Variants in OLR1 observed in about 807,000 individuals in gnomAD.
OLR1 encodes oxidized low density lipoprotein receptor 1.
In OLR1, 23 loss-of-function variants were observed where a neutral mutation model predicts 31.7. That is an observed-to-expected ratio of 0.72 (90% CI 0.52 to 1.03). OLR1 has a LOEUF of 1.03. OLR1 is among the 50% of genes least tolerant of loss of function. The probability of loss-of-function intolerance (pLI) is 0.00; values close to 1 mark genes in which losing one functional copy is unlikely to be tolerated. For synonymous variants in OLR1, 117 were observed against 115.8 expected (o/e 1.01, Z -0.07); for missense variants, 286 against 315.7 (o/e 0.91, Z 0.71).
chr12:10,175,185 T>G (rs1356474817), upstream of OLR1: 5 of 152,336 alleles, frequency 3.3e-5, no homozygotes, highest in African/African-American at 7.2e-5. Context: ...GGTGCTGGAA[T>G]GTATGTGATC....
At chr12:10,164,709 T>C (rs1453241163) in intron 3 of OLR1, among the ~76,000 whole-genome samples, 1 of 152,186 alleles carries the variant, frequency 6.6e-6, no homozygotes, top group Non-Finnish European at 1.5e-5. Flanking sequence ...TCCCTATGCC[T>C]AAAACCATAT....
rs1209502495 is a variant in OLR1 at position 10,160,940 on chromosome 12, A to G, written c.425-15T>C. 6.2e-7 allele frequency: 1 copy of G among 1,610,714 alleles called. No individual in the cohort carries two copies. Among genetic ancestry groups the G allele is most frequent in the Non-Finnish European group, 8.5e-7 (1 of 1,177,176 alleles). ...CGGACAAGGAGCTGGGAAGGATAGT[A>G]TATCTCATCAGTCAGTTATGTTTGT... On this transcript the variant is annotated splice_polypyrimidine_tract_variant and intron_variant, in intron 3 of 5. Coordinates refer to ENST00000309539, the MANE Select transcript of OLR1 (RefSeq NM_002543.4).
At chr12:10,171,924 T>TTCA in intron 1 of OLR1, 78 bp downstream of exon 1, 1 of 1,079,312 alleles carries the variant, frequency 9.3e-7, no homozygotes, top group Non-Finnish European at 1.4e-6. Context: ...AGCTTTCTAA[T>TTCA]CCCATTCTTC....
At chr12:10,172,788 T>C (rs956481655), upstream of OLR1, among the ~76,000 whole-genome samples, 5 of 152,228 alleles carry the variant, frequency 3.3e-5, no homozygotes, top group Non-Finnish European at 7.3e-5. Context: ...TCTATGTCTT[T>C]GTCTGGAAAT....
intron 1 of OLR1, chr12:10,170,639 G>A (rs117397291): frequency 0.03 from 4,502 of 151,964 alleles, 119 homozygotes; most frequent in Middle Eastern, 0.11. Flanking sequence ...TTGCAGCCGC[G>A]CACCACCACA....
intron 1 of OLR1, 54 bp downstream of exon 1, chr12:10,171,948 T>G (rs1948724086): frequency 7.4e-7 from 1 of 1,342,840 alleles, no homozygotes; most frequent in African/African-American, 1.4e-5. Flanking sequence ...GAATTTACAT[T>G]TTGGGGCTAA....
At chr12:10,160,066 T>A in intron 5 of OLR1, 45 bp from the exon 6 acceptor site, 1 of 1,562,808 alleles carries the variant, frequency 6.4e-7, no homozygotes, top group Non-Finnish European at 8.7e-7. Flanking sequence ...AAAACTTAGG[T>A]TTACTGCCAC....
Position 10,158,833 on chromosome 12 carries a change from C to A in OLR1, c.*1047G>T, listed in dbSNP as rs1313321210. The A allele has an allele frequency of 6.6e-6, 1 of 150,706 alleles. No individual in the cohort carries two copies. The highest frequency in any genetic ancestry group is 1.9e-4 in the East Asian group (1 of 5,170). 9.3% of individuals were successfully genotyped at this position (150,706 alleles called of 1,614,324 possible). On this transcript the variant is annotated 3_prime_UTR_variant, in exon 6 of 6. Coordinates refer to ENST00000309539, the MANE Select transcript of OLR1 (RefSeq NM_002543.4). ...AAGATTCCTGCTAGATTGTGTGCAG[C>A]AAAATAAAAAGGCTTCCTTTAAAGT...
intron 3 of OLR1, among the ~76,000 whole-genome samples, chr12:10,162,532 A>G (rs1948628710): frequency 6.6e-6 from 1 of 152,218 alleles, no homozygotes; most frequent in South Asian, 2.1e-4. Context: ...AAATATAAAT[A>G]TATGTACGTT....
intron 3 of OLR1, among the ~76,000 whole-genome samples, chr12:10,166,074 G>C (rs1010996656): frequency 2.0e-5 from 3 of 151,894 alleles, no homozygotes; most frequent in African/African-American, 7.3e-5. Context: ...AGTTGGGCAT[G>C]GTGGCTCATG....
chr12:10,173,287 T>C (rs2137532099), upstream of OLR1, among the ~76,000 whole-genome samples: 1 of 151,084 alleles, frequency 6.6e-6, no homozygotes, highest in African/African-American at 2.4e-5. Flanking sequence ...ATCTGGCATT[T>C]ACTTTAAATT....
chr12:10,174,917 T>C (rs551619833), upstream of OLR1, among the ~76,000 whole-genome samples: 2 of 152,366 alleles, frequency 1.3e-5, no homozygotes, highest in South Asian at 2.1e-4. Context: ...CAGAATTTTG[T>C]TCCTTTTAAA....
chr12:10,169,077 G>T lies in OLR1; in HGVS notation c.175C>A (p.Gln59Lys). Residue 59 changes from glutamine (Q) to lysine (K), a missense_variant, in exon 2 of 6, where the codon CAA (glutamine) becomes AAA (lysine). By Grantham distance (53) the Gln-to-Lys change is moderately conservative (BLOSUM62 1). Coordinates refer to ENST00000309539, the MANE Select transcript of OLR1 (RefSeq NM_002543.4). ...LVVTIMVLGMQLSQVSDLLTQ... is the reference protein window; with the variant it reads ...LVVTIMVLGMKLSQVSDLLTQ... ...AGTTCCGTATTTTAGCACTTACATT[G>T]CATGCCCAGCACCATAATGGTCACT... The T allele has an allele frequency of 6.2e-7, 1 of 1,601,086 alleles. No homozygotes were observed. Among genetic ancestry groups the T allele is most frequent in the Non-Finnish European group, 8.5e-7 (1 of 1,175,006 alleles).
chr12:10,166,532 A>AAT (rs914895097), intron 3 of OLR1, among the ~76,000 whole-genome samples, 180 bp downstream of exon 3: 4 of 152,030 alleles, frequency 2.6e-5, no homozygotes, highest in African/African-American at 9.7e-5. Context: ...CATCTAAAAA[A>AAT]AAAAAAGAAA....
intron 5 of OLR1, 28 bp downstream of exon 5, chr12:10,160,319 G>C (rs765235701): frequency 5.2e-6 from 8 of 1,537,472 alleles, no homozygotes; most frequent in South Asian, 3.4e-5. Context: ...ACTGACGAGA[G>C]AGGCATCAAA....
intron 1 of OLR1, among the ~76,000 whole-genome samples, chr12:10,169,813 T>C (rs1430816707): frequency 6.6e-6 from 1 of 152,042 alleles, no homozygotes; most frequent in African/African-American, 2.4e-5. Flanking sequence ...CAGCATATCC[T>C]ACACTCACGC....
intron 3 of OLR1, among the ~76,000 whole-genome samples, chr12:10,163,861 G>A (rs1242983223): frequency 6.6e-6 from 1 of 152,068 alleles, no homozygotes; most frequent in Non-Finnish European, 1.5e-5. Flanking sequence ...ACTCCGGGAG[G>A]CGGAGGTTGC....
chr12:10,160,155 AG>A (rs1235600933), intron 5 of OLR1, 134 bp from the exon 6 acceptor site: 17 of 1,070,272 alleles, frequency 1.6e-5, no homozygotes, highest in Non-Finnish European at 2.3e-5. Flanking sequence ...GGAAAACTCA[AG>A]AAAATGTCTG....
intron 2 of OLR1, chr12:10,167,339 G>T (rs1349717977): frequency 5.6e-6 from 1 of 179,306 alleles, no homozygotes; most frequent in Non-Finnish European, 1.2e-5. Flanking sequence ...ATTAGCTGAG[G>T]GTGGTGGCAC....
Sources: gnomAD v4.1 joint callset for allele counts (sites outside exome capture counted in the v4.1 genomes callset) on GRCh38, gnomAD v4.1.1 for gene constraint, MANE v1.5 for transcripts, NCBI Gene and HGNC (gene_info 2026-07-23, HGNC 2026-07-21) for gene names.